RBPMS: variants seen among roughly 807,000 people sequenced by gnomAD.
The protein encoded by RBPMS is RNA-binding protein with multiple splicing.
RBPMS carries 7 observed loss-of-function variants against 26.8 expected under a neutral mutation model. That is an observed-to-expected ratio of 0.26 (90% CI 0.15 to 0.49). The LOEUF is 0.49. RBPMS is among the 20% of genes least tolerant of loss of function. RBPMS has a pLI of 0.98. For missense variants in RBPMS, 186 were observed against 250.0 expected (o/e 0.74, Z 1.73); for synonymous variants, 96 against 93.3 (o/e 1.03, Z -0.17).
intron 1 of RBPMS, among the ~76,000 whole-genome samples, chr8:30,437,767 G>A (rs1812630273): frequency 6.6e-6 from 1 of 150,596 alleles, no homozygotes; most frequent in South Asian, 2.1e-4. Flanking sequence ...CTCCAGCCTG[G>A]GTGACAGAGC....
At position 30,384,954 on chromosome 8, in the gene RBPMS, G is replaced by GGCTCCA. The variant is rs1806831844; in HGVS notation, c.-130_-125dup. Reference sequence around the variant, plus strand: ...ACCCGAGCCCGACAGCCACTGCCCCGGCTCCAGCTCCAGCCCCACAGCCCG... The same window carrying GGCTCCA: ...ACCCGAGCCCGACAGCCACTGCCCCGGCTCCAGCTCCAGCTCCAGCCCCACAGCCCG... On this transcript the variant is annotated 5_prime_UTR_variant, in exon 1 of 9. Transcript: ENST00000397323. This position sits in a 1 kb window ranked among gnomAD's most constrained non-coding sequence, Gnocchi z 5.6. 1 of 499,674 alleles carries GGCTCCA rather than the reference G, an allele frequency of 2.0e-6. No individual in the cohort carries two copies. Among genetic ancestry groups the GGCTCCA allele is most frequent in the African/African-American group, 2.1e-5 (1 of 48,620 alleles). The allele number at this position is 499,674 out of a possible 1,614,324, so 31.0% of individuals were successfully genotyped here.
chr8:30,432,807 GAATA>G (rs754783227), intron 1 of RBPMS, among the ~76,000 whole-genome samples: 4 of 119,328 alleles, frequency 3.4e-5, no homozygotes, highest in Admixed American at 8.6e-5. Context: ...ACAAGGCAGG[GAATA>G]AATAAATAAA....
rs574165649 is a variant in RBPMS, at chr8:30,535,407, A to G, written c.398-9087A>G. Among the ~76,000 whole-genome samples the G allele has an allele frequency of 3.3e-5, 5 of 152,336 alleles. No individual in the cohort carries two copies. In the South Asian group the frequency reaches 6.2e-4, roughly 19 times the overall value. On this transcript the variant is annotated intron_variant, in intron 5 of 8. Transcript: ENST00000397323. ...AGTAGGTGCAGTGTTCAGGGTACAC[A>G]TAGCCTGTTTTGGGAGGTGTAAGAA...
intron 1 of RBPMS, among the ~76,000 whole-genome samples, chr8:30,437,302 G>A (rs1812574494): frequency 6.6e-6 from 1 of 151,970 alleles, no homozygotes; most frequent in Non-Finnish European, 1.5e-5. Flanking sequence ...CCTGCCACTT[G>A]GAAAAATAAC....
chr8:30,537,051 G>C (rs1164277027), intron 5 of RBPMS, among the ~76,000 whole-genome samples: 1 of 152,166 alleles, frequency 6.6e-6, no homozygotes, highest in African/African-American at 2.4e-5. Context: ...CCTCATCCCA[G>C]CAGCTGCAGG....
chr8:30,416,959 G>A (rs779071815), intron 1 of RBPMS, among the ~76,000 whole-genome samples: 6 of 152,034 alleles, frequency 3.9e-5, no homozygotes, highest in South Asian at 2.1e-4. Context: ...TAGTAGAGAC[G>A]GGGTTTTGCC....
At chr8:30,438,776 T>A (rs1585461705) in intron 1 of RBPMS, among the ~76,000 whole-genome samples, 2 of 152,134 alleles carry the variant, frequency 1.3e-5, no homozygotes, top group Non-Finnish European at 2.9e-5. Flanking sequence ...CTTACTTTTT[T>A]TTTATTTATT....
chr8:30,559,818 A>G (rs1196588218), intron 7 of RBPMS, among the ~76,000 whole-genome samples: 1 of 152,234 alleles, frequency 6.6e-6, no homozygotes, highest in East Asian at 1.9e-4. Flanking sequence ...ATCATGGCAA[A>G]CCTGTGCACC....
chr8:30,460,598 A>G (rs573626111), intron 1 of RBPMS, among the ~76,000 whole-genome samples: 23 of 152,316 alleles, frequency 1.5e-4, no homozygotes, highest in Non-Finnish European at 2.9e-4. Context: ...TACATCAGAT[A>G]TATCTGGAAT....
chr8:30,474,971 GGTT>G (rs1277251846), intron 2 of RBPMS, 115 bp downstream of exon 2: 1 of 699,962 alleles, frequency 1.4e-6, no homozygotes, highest in Non-Finnish European at 2.5e-6. Context: ...GTTTTTAAAA[GGTT>G]AATGAGTAAA....
chr8:30,516,556 A>G (rs1822329775), intron 5 of RBPMS, among the ~76,000 whole-genome samples: 1 of 152,210 alleles, frequency 6.6e-6, no homozygotes, highest in African/African-American at 2.4e-5. Flanking sequence ...ACTCTACCCA[A>G]GTATCTTTCA....
At position 30,412,228 on chromosome 8, in the gene RBPMS, T is replaced by G. The variant is rs1321872035; in HGVS notation, c.66+27070T>G. The stretch of plus-strand genomic sequence containing the variant: ...TAGTAGCAGGGCTTTCACAGAACAC[T>G]GTGAGAATTAATGAGTTAATATTTG... On this transcript the variant is annotated intron_variant, in intron 1 of 8. Coordinates refer to ENST00000397323, the MANE Select transcript of RBPMS (RefSeq NM_001008710.3). Among the ~76,000 whole-genome samples the G allele has an allele frequency of 3.3e-5, 5 of 152,184 alleles. No homozygotes were observed. In the South Asian group the frequency reaches 6.2e-4, roughly 19 times the overall value.
chr8:30,505,411 G>C (rs1030549781), intron 5 of RBPMS, among the ~76,000 whole-genome samples: 1 of 152,172 alleles, frequency 6.6e-6, no homozygotes, highest in Non-Finnish European at 1.5e-5. Flanking sequence ...GTGCATGTCA[G>C]ATTTAATCAG....
At chr8:30,520,933 T>A (rs896662477) in intron 5 of RBPMS, among the ~76,000 whole-genome samples, 3 of 152,282 alleles carry the variant, frequency 2.0e-5, no homozygotes, top group African/African-American at 7.2e-5. Context: ...TAAGGCTTTG[T>A]CAGCAGAACA....
At chr8:30,536,856 G>GA (rs1824858185) in intron 5 of RBPMS, among the ~76,000 whole-genome samples, 3 of 152,122 alleles carry the variant, frequency 2.0e-5, no homozygotes, top group Admixed American at 1.3e-4. Context: ...AGCAGAGTGG[G>GA]ACTGAGCAGA....
chr8:30,490,798 A>G (rs1819308720), intron 4 of RBPMS, among the ~76,000 whole-genome samples: 1 of 152,178 alleles, frequency 6.6e-6, no homozygotes, highest in Non-Finnish European at 1.5e-5. Context: ...TTAGATCACT[A>G]GTAATCTAAT....
intron 1 of RBPMS, among the ~76,000 whole-genome samples, chr8:30,408,961 C>G (rs553568920): frequency 6.6e-6 from 1 of 152,168 alleles, no homozygotes; most frequent in African/African-American, 2.4e-5. Flanking sequence ...CAAGATCGGT[C>G]TTTTGGCTTT....
chr8:30,501,792 T>C (rs1479119982), intron 4 of RBPMS, among the ~76,000 whole-genome samples: 1 of 152,172 alleles, frequency 6.6e-6, no homozygotes, highest in Non-Finnish European at 1.5e-5. Context: ...CCTGACAGCA[T>C]TTAATGTGGA....
intron 1 of RBPMS, among the ~76,000 whole-genome samples, chr8:30,468,429 A>G (rs1291358567): frequency 6.6e-6 from 1 of 151,542 alleles, no homozygotes. Flanking sequence ...TCCCTTCTAA[A>G]TTTCTTTATA....
Sources: gnomAD v4.1 joint callset for allele counts (sites outside exome capture counted in the v4.1 genomes callset) on GRCh38, gnomAD v4.1.1 for gene constraint, Gnocchi (gnomAD v3.1) non-coding constraint, MANE v1.5 for transcripts, NCBI Gene and HGNC (gene_info 2026-07-23, HGNC 2026-07-21) for gene names.